PCDHB5: variants seen among roughly 807,000 people sequenced by gnomAD.
PCDHB5 encodes the protein protocadherin beta 5.
For missense variants in PCDHB5, 1,125 were observed against 1,029.4 expected, an observed-to-expected ratio of 1.09 and a Z score of -1.27; for synonymous variants, 569 against 462.2, an observed-to-expected ratio of 1.23 and a Z score of -2.96.
chr5:141,135,259 A>C lies in PCDHB5; in HGVS notation c.-176A>C. On this transcript the variant is annotated 5_prime_UTR_variant, in exon 1 of 1. Transcript: ENST00000231134. Reference sequence around the variant, plus strand: ...AACTCAGACGCCATTAAGCTGGGGAATCCAAACTCTAAAAGAAGGACGCAT... The same window carrying C: ...AACTCAGACGCCATTAAGCTGGGGACTCCAAACTCTAAAAGAAGGACGCAT... The C allele has an allele frequency of 1.8e-6, 1 of 570,084 alleles. No individual in the cohort carries two copies. The highest frequency in any genetic ancestry group is 3.1e-6 in the Non-Finnish European group (1 of 325,104). 35.3% of individuals were successfully genotyped at this position (570,084 alleles called of 1,614,324 possible).
chr5:141,137,610 G>T lies in PCDHB5; in HGVS notation c.2176G>T (p.Val726Leu), dbSNP rs1554276269. The T allele has an allele frequency of 6.2e-7, 1 of 1,613,480 alleles. No homozygotes were observed. Among genetic ancestry groups the T allele is most frequent in the Admixed American group, 1.7e-5 (1 of 60,028 alleles). The change falls in exon 1 of 1, where the codon GTG becomes TTG. Residue 726 changes from valine to leucine, a missense_variant. By Grantham distance (32) the Val-to-Leu change is conservative (BLOSUM62 1). Transcript: ENST00000231134. ...SRAAPVGRCS[V>L]PEGPFPGHLV... The stretch of plus-strand genomic sequence containing the variant: ...GGCGGCCCCGGTCGGTCGCTGCTCG[G>T]TGCCCGAGGGCCCCTTTCCAGGGCA...
Position 141,136,034 on chromosome 5 carries a change from G to T in PCDHB5, c.600G>T (p.Leu200=). ...CAGAGCTGGTGCTGGACAAAGCGCT[G>T]GACCGGGAGGAGCGGCCTGAGCTCA... ...KYPELVLDKA[L]DREERPELSL... The change falls in exon 1 of 1, where the codon CTG becomes CTT. Residue 200 remains leucine (L), a synonymous_variant. Transcript: ENST00000231134. 6.2e-7 allele frequency: 1 copy of T among 1,614,204 alleles called. No individual in the cohort carries two copies. Among genetic ancestry groups the T allele is most frequent in the Non-Finnish European group, 8.5e-7 (1 of 1,180,016 alleles).
rs1554275852 is a variant in PCDHB5, at chr5:141,136,258, G to A, written c.824G>A (p.Gly275Glu). 4 of 1,613,810 alleles carry A rather than the reference G, an allele frequency of 2.5e-6. No homozygotes were observed. In the African/African-American group the frequency reaches 4.0e-5, roughly 16 times the overall value. Residue 275 changes from glycine (G) to glutamate (E), a missense_variant, in exon 1 of 1, where the codon GGG becomes GAG. Physicochemically the swap from Gly to Glu is moderately conservative, Grantham distance 98. Transcript: ENST00000231134. ...SARDLDAGAY[G>E]SVAYALFQGD... ...CGAGATTTAGATGCAGGAGCATATG[G>A]GAGTGTAGCCTATGCTCTATTCCAA...
At position 141,136,066 on chromosome 5, in the gene PCDHB5, C is replaced by G; in HGVS notation, c.632C>G (p.Thr211Arg). ...GAGGAGCGGCCTGAGCTCAGCTTAA[C>G]ACTCACTGCACTGGACGGTGGGGCT... ...DREERPELSL[T>R]LTALDGGAPP... The change falls in exon 1 of 1, where the codon ACA becomes AGA. Residue 211 changes from threonine to arginine, a missense_variant. Coordinates refer to ENST00000231134, the MANE Select transcript of PCDHB5 (RefSeq NM_015669.5). 2 of 1,614,184 alleles carry G rather than the reference C, an allele frequency of 1.2e-6. No individual in the cohort carries two copies. Among genetic ancestry groups the G allele is most frequent in the Non-Finnish European group, 1.7e-6 (2 of 1,179,994 alleles).
Position 141,136,483 on chromosome 5 carries a change from C to G in PCDHB5, c.1049C>G (p.Thr350Arg), listed in dbSNP as rs782058253. 6.2e-7 allele frequency: 1 copy of G among 1,614,118 alleles called. No homozygotes were observed. Among genetic ancestry groups the G allele is most frequent in the Non-Finnish European group, 8.5e-7 (1 of 1,180,028 alleles). The change falls in exon 1 of 1, where the codon ACG becomes AGG. Residue 350 changes from threonine to arginine, a missense_variant. Transcript: ENST00000231134. ...AACGCCCCTGAACTCACCATGTCTA[C>G]GCTCTCCAGCCCTACCCCAGAAAAT... Reference protein sequence around the residue: ...NDNAPELTMSTLSSPTPENAP... With the variant: ...NDNAPELTMSRLSSPTPENAP...
rs573134035 is a variant in PCDHB5, at chr5:141,137,918, T to C, written c.*96T>C. The C allele has an allele frequency of 7.8e-6, 9 of 1,154,844 alleles. No individual in the cohort carries two copies. Among genetic ancestry groups the C allele is most frequent in the African/African-American group, 3.1e-5 (2 of 64,606 alleles). 71.5% of individuals were successfully genotyped at this position (1,154,844 alleles called of 1,614,324 possible). On this transcript the variant is annotated 3_prime_UTR_variant, in exon 1 of 1. Coordinates refer to ENST00000231134, the MANE Select transcript of PCDHB5 (RefSeq NM_015669.5). ...CATGGACAAAAATTTCACCTTGAGATTGAGCTTTTATTTCCCTTTTTAATG... is the reference window on the plus strand; with the variant it reads ...CATGGACAAAAATTTCACCTTGAGACTGAGCTTTTATTTCCCTTTTTAATG...
chr5:141,137,727 T>C lies in PCDHB5; in HGVS notation c.2293T>C (p.Phe765Leu). ...TGDSGAGEFK[F>L]LKPIIPNLLP... Reference sequence around the variant, plus strand: ...AGACTCAGGGGCCGGCGAGTTCAAGTTCCTGAAGCCGATTATTCCTAACCT... The same window carrying C: ...AGACTCAGGGGCCGGCGAGTTCAAGCTCCTGAAGCCGATTATTCCTAACCT... The change falls in exon 1 of 1, where the codon TTC (phenylalanine) becomes CTC (leucine). Residue 765 changes from phenylalanine to leucine, a missense_variant. Transcript: ENST00000231134. The C allele has an allele frequency of 1.2e-6, 2 of 1,614,222 alleles. No individual in the cohort carries two copies. Among genetic ancestry groups the C allele is most frequent in the Non-Finnish European group, 1.7e-6 (2 of 1,180,046 alleles).
rs369487091 is a variant in PCDHB5, at chr5:141,135,954, C to T, written c.520C>T (p.Pro174Ser). 3 of 1,614,166 alleles carry T rather than the reference C, an allele frequency of 1.9e-6. No individual in the cohort carries two copies. Among genetic ancestry groups the T allele is most frequent in the Non-Finnish European group, 2.5e-6 (3 of 1,180,022 alleles). ...CACTGTTCAGAACTACACAATCAGC[C>T]CAAATTCACACTTTCATGTTGCTAC... ...SNTVQNYTIS[P>S]NSHFHVATHN... The change falls in exon 1 of 1, where the codon CCA (proline) becomes TCA (serine). Residue 174 changes from proline (P) to serine (S), a missense_variant. Coordinates refer to ENST00000231134, the MANE Select transcript of PCDHB5 (RefSeq NM_015669.5).
chr5:141,137,483 C>G lies in PCDHB5; in HGVS notation c.2049C>G (p.Asp683Glu). 6.2e-7 allele frequency: 1 copy of G among 1,612,774 alleles called. No homozygotes were observed. Among genetic ancestry groups the G allele is most frequent in the Non-Finnish European group, 8.5e-7 (1 of 1,179,744 alleles). Reference sequence around the variant, plus strand: ...CGGCCCCGGCCCAGGCCCAGGCCGACTCGCTCACTGTCTACCTGGTGGTGG... The same window carrying G: ...CGGCCCCGGCCCAGGCCCAGGCCGAGTCGCTCACTGTCTACCTGGTGGTGG... ...PEAAPAQAQADSLTVYLVVAL... is the reference protein window; with the variant it reads ...PEAAPAQAQAESLTVYLVVAL... Residue 683 changes from aspartate to glutamate, a missense_variant, in exon 1 of 1, where the codon GAC becomes GAG. Physicochemically the swap from Asp to Glu is conservative, Grantham distance 45. Transcript: ENST00000231134.
In PCDHB5 at chr5:141,136,044, G is replaced by C; in HGVS notation, c.610G>C (p.Glu204Gln). The C allele has an allele frequency of 6.8e-6, 11 of 1,614,220 alleles. No individual in the cohort carries two copies. Among genetic ancestry groups the C allele is most frequent in the Non-Finnish European group, 9.3e-6 (11 of 1,180,010 alleles). The part of the protein sequence containing the change: ...LVLDKALDRE[E>Q]RPELSLTLTA... The stretch of plus-strand genomic sequence containing the variant: ...GCTGGACAAAGCGCTGGACCGGGAG[G>C]AGCGGCCTGAGCTCAGCTTAACACT... Residue 204 changes from glutamate to glutamine, a missense_variant, in exon 1 of 1, where the codon GAG becomes CAG. Transcript: ENST00000231134.
rs371053555 is a variant in PCDHB5 at position 141,137,079 on chromosome 5, C to G, written c.1645C>G (p.Leu549Val). The G allele has an allele frequency of 2.8e-5, 45 of 1,611,678 alleles. No individual in the cohort carries two copies. Among genetic ancestry groups the G allele is most frequent in the East Asian group, 2.5e-4 (11 of 44,856 alleles). The change falls in exon 1 of 1, where the codon CTG becomes GTG. Residue 549 changes from leucine (L) to valine (V), a missense_variant. Transcript: ENST00000231134. ...ALSSEALVRV[L>V]VLDANDNSPF... ...GAGCAGCGAGGCGCTGGTGCGCGTGCTGGTGCTGGACGCCAACGACAACTC... is the reference window on the plus strand; with the variant it reads ...GAGCAGCGAGGCGCTGGTGCGCGTGGTGGTGCTGGACGCCAACGACAACTC...
chr5:141,137,294 T>C lies in PCDHB5; in HGVS notation c.1860T>C (p.Asn620=), dbSNP rs577889337. ...EPGLFSMWAH[N]GEVRTARLLS... Reference sequence around the variant, plus strand: ...GGCTGTTCAGCATGTGGGCGCACAATGGCGAGGTGCGCACCGCCAGGCTGC... The same window carrying C: ...GGCTGTTCAGCATGTGGGCGCACAACGGCGAGGTGCGCACCGCCAGGCTGC... The change falls in exon 1 of 1, where the codon AAT becomes AAC. Residue 620 remains asparagine (N), a synonymous_variant. Transcript: ENST00000231134. 10 of 1,610,398 alleles carry C rather than the reference T, an allele frequency of 6.2e-6. No homozygotes were observed. The South Asian group carries it at 9.9e-5, about 16-fold the overall frequency.
Position 141,137,675 on chromosome 5 carries a change from C to T in PCDHB5, c.2241C>T (p.Ser747=), listed in dbSNP as rs782675574. ...DVSGTGTLSQ[S]YHYEVCLTGD... ...GCGGCACCGGGACCCTATCCCAGAGCTACCACTACGAGGTGTGTTTGACCG... is the reference window on the plus strand; with the variant it reads ...GCGGCACCGGGACCCTATCCCAGAGTTACCACTACGAGGTGTGTTTGACCG... Residue 747 remains serine, a synonymous_variant, in exon 1 of 1, where the codon AGC becomes AGT. Transcript: ENST00000231134. 5 of 1,614,226 alleles carry T rather than the reference C, an allele frequency of 3.1e-6. No individual in the cohort carries two copies. In the Admixed American group the frequency reaches 8.3e-5, roughly 27 times the overall value.
At position 141,136,583 on chromosome 5, in the gene PCDHB5, C is replaced by T. The variant is rs1752582263; in HGVS notation, c.1149C>T (p.Ser383=). The part of the protein sequence containing the change: ...DSGDNGRMIC[S]IQNDLPFLLK... ...GGGACAACGGTAGGATGATTTGCTC[C>T]ATCCAGAATGATCTCCCCTTTCTTT... The change falls in exon 1 of 1, where the codon TCC becomes TCT. Residue 383 remains serine (S), a synonymous_variant. Transcript: ENST00000231134. 2 of 1,614,102 alleles carry T rather than the reference C, an allele frequency of 1.2e-6. No homozygotes were observed. The highest frequency in any genetic ancestry group is 1.7e-6 in the Non-Finnish European group (2 of 1,180,028).
In PCDHB5 at chr5:141,136,127, C is replaced by G. The variant is rs145844360; in HGVS notation, c.693C>G (p.Val231=). ...PRSGTTTIRI[V]VLDNNDNAPE... is the part of the protein sequence containing the mutation. Reference sequence around the variant, plus strand: ...CCGGGACCACCACAATTCGCATTGTCGTCTTGGATAATAATGACAACGCCC... The same window carrying G: ...CCGGGACCACCACAATTCGCATTGTGGTCTTGGATAATAATGACAACGCCC... Residue 231 remains valine, a synonymous_variant, in exon 1 of 1, where the codon GTC becomes GTG. Transcript: ENST00000231134. The G allele has an allele frequency of 7.7e-5, 124 of 1,613,958 alleles. No individual in the cohort carries two copies. Among genetic ancestry groups the G allele is most frequent in the African/African-American group, 1.3e-5 (1 of 74,934 alleles).
Position 141,136,081 on chromosome 5 carries a change from A to G in PCDHB5, c.647A>G (p.Asp216Gly). 6.2e-7 allele frequency: 1 copy of G among 1,614,152 alleles called. No individual in the cohort carries two copies. The highest frequency in any genetic ancestry group is 1.1e-5 in the South Asian group (1 of 91,074). The change falls in exon 1 of 1, where the codon GAC (aspartate) becomes GGC (glycine). Residue 216 changes from aspartate (D) to glycine (G), a missense_variant. Coordinates refer to ENST00000231134, the MANE Select transcript of PCDHB5 (RefSeq NM_015669.5). Reference protein sequence around the residue: ...PELSLTLTALDGGAPPRSGTT... With the variant: ...PELSLTLTALGGGAPPRSGTT... ...CTCAGCTTAACACTCACTGCACTGGACGGTGGGGCTCCGCCCAGGTCCGGG... is the reference window on the plus strand; with the variant it reads ...CTCAGCTTAACACTCACTGCACTGGGCGGTGGGGCTCCGCCCAGGTCCGGG...
Position 141,136,344 on chromosome 5 carries a change from A to C in PCDHB5, c.910A>C (p.Arg304=), listed in dbSNP as rs782803055. The C allele has an allele frequency of 6.2e-7, 1 of 1,614,018 alleles. No individual in the cohort carries two copies. Among genetic ancestry groups the C allele is most frequent in the Non-Finnish European group, 8.5e-7 (1 of 1,180,030 alleles). ...DEKTAEIRLK[R]ALDFEATPYY... is the part of the protein sequence containing the mutation. ...GAAAACAGCAGAAATTCGCCTGAAAAGGGCATTGGATTTCGAGGCAACTCC... is the reference window on the plus strand; with the variant it reads ...GAAAACAGCAGAAATTCGCCTGAAACGGGCATTGGATTTCGAGGCAACTCC... Residue 304 remains arginine, a synonymous_variant, in exon 1 of 1, where the codon AGG becomes CGG. Transcript: ENST00000231134.
At position 141,137,352 on chromosome 5, in the gene PCDHB5, G is replaced by A. The variant is rs782174072; in HGVS notation, c.1918G>A (p.Val640Met). The A allele has an allele frequency of 4.3e-6, 7 of 1,609,872 alleles. No individual in the cohort carries two copies. Among genetic ancestry groups the A allele is most frequent in the Middle Eastern group, 2.2e-4 (1 of 4,466 alleles). ...GCGCGACGCGGCCAAGCACAGGCTG[G>A]TGGTGCTGGTCAAGGACAATGGCGA... ...SERDAAKHRLVVLVKDNGEPP... is the reference protein window; with the variant it reads ...SERDAAKHRLMVLVKDNGEPP... Residue 640 changes from valine (V) to methionine (M), a missense_variant, in exon 1 of 1, where the codon GTG becomes ATG. Transcript: ENST00000231134.
chr5:141,136,671 C>G lies in PCDHB5; in HGVS notation c.1237C>G (p.Gln413Glu), dbSNP rs782289154. The G allele has an allele frequency of 1.7e-5, 27 of 1,614,024 alleles. No homozygotes were observed. The highest frequency in any genetic ancestry group is 2.2e-5 in the Non-Finnish European group (26 of 1,180,040). Residue 413 changes from glutamine to glutamate, a missense_variant, in exon 1 of 1, where the codon CAA becomes GAA. Gln to Glu is a conservative substitution (Grantham distance 29). Transcript: ENST00000231134. ...VTQRTLDRES[Q>E]AEYNITITVT... is the part of the protein sequence containing the mutation. ...ACAGAGAACACTGGACAGAGAGAGC[C>G]AAGCCGAGTACAACATCACCATCAC...
Sources: allele counts gnomAD v4.1 joint callset, GRCh38; gene constraint gnomAD v4.1.1; transcripts MANE v1.5; gene names NCBI Gene and HGNC (gene_info 2026-07-23, HGNC 2026-07-21).